AK9: variants seen among roughly 807,000 people sequenced by gnomAD.
AK9 encodes the protein adenylate kinase domain containing 1.
Under a neutral mutation model 239.6 loss-of-function variants are expected in AK9, and 191 were observed. That is an observed-to-expected ratio of 0.80 (90% CI 0.71 to 0.90). The LOEUF is 0.90. Ranked by LOEUF, AK9 falls within the 40% of genes least tolerant of loss-of-function variation. The pLI is 0.00. For synonymous variants in AK9, 689 were observed against 721.0 expected (o/e 0.96, Z 0.71); for missense variants, 1,995 against 2,214.7 (o/e 0.90, Z 1.99).
chr6:109,541,335 CTATT>C (rs1173597085), intron 27 of AK9, among the ~76,000 whole-genome samples: 1 of 152,122 alleles, frequency 6.6e-6, no homozygotes, highest in East Asian at 1.9e-4. Flanking sequence ...TGTGCATTCT[CTATT>C]ATATTATAGT....
chr6:109,582,957 C>G (rs1168564262), intron 19 of AK9, among the ~76,000 whole-genome samples: 3 of 152,162 alleles, frequency 2.0e-5, no homozygotes, highest in Admixed American at 2.0e-4. Context: ...ATGATTGACT[C>G]ACTAAAGGCT....
At chr6:109,597,890 G>A (rs905942352) in intron 17 of AK9, among the ~76,000 whole-genome samples, 4 of 152,036 alleles carry the variant, frequency 2.6e-5, no homozygotes, top group Non-Finnish European at 5.9e-5. Flanking sequence ...GAGAAACCCA[G>A]TGCCTAAACA....
chr6:109,560,616 C>G (rs1431509919), intron 24 of AK9, among the ~76,000 whole-genome samples: 1 of 152,146 alleles, frequency 6.6e-6, no homozygotes, highest in Non-Finnish European at 1.5e-5. Context: ...ATAAGCCCCA[C>G]TTGGTCATGG....
chr6:109,620,739 G>A (rs929278308), intron 12 of AK9, among the ~76,000 whole-genome samples: 2 of 151,358 alleles, frequency 1.3e-5, no homozygotes, highest in East Asian at 3.9e-4. Flanking sequence ...ACTAAAATAT[G>A]AATACATATG....
At chr6:109,508,105 T>C (rs987466212) in intron 33 of AK9, among the ~76,000 whole-genome samples, 3 of 152,362 alleles carry the variant, frequency 2.0e-5, no homozygotes, top group Admixed American at 1.3e-4. Context: ...TAAACTCCTT[T>C]GAATTTAATT....
intron 12 of AK9, among the ~76,000 whole-genome samples, chr6:109,628,725 T>C (rs1795808426): frequency 6.6e-6 from 1 of 152,206 alleles, no homozygotes; most frequent in Non-Finnish European, 1.5e-5. Context: ...TAGGCAGCTT[T>C]CATAAGTTTT....
intron 23 of AK9, 116 bp downstream of exon 23, chr6:109,563,964 C>T (rs572331654): frequency 1.7e-6 from 2 of 1,143,956 alleles, no homozygotes; most frequent in Non-Finnish European, 2.4e-6. Context: ...TATACATCAG[C>T]CTTGGATATA....
chr6:109,564,060 G>A lies in AK9; in HGVS notation c.2635+20C>T. On this transcript the variant is annotated intron_variant, in intron 23 of 40. Coordinates refer to ENST00000424296, the MANE Select transcript of AK9 (RefSeq NM_001145128.3). ...CTATCACCTGCTGTTGATAATAAAT[G>A]TTATGATTAAAGCCCTTACTTTCCA... The A allele has an allele frequency of 6.5e-7, 1 of 1,537,516 alleles. No individual in the cohort carries two copies. The highest frequency in any genetic ancestry group is 8.8e-7 in the Non-Finnish European group (1 of 1,139,690).
intron 12 of AK9, among the ~76,000 whole-genome samples, chr6:109,624,342 T>C (rs1795261967): frequency 6.6e-6 from 1 of 152,196 alleles, no homozygotes; most frequent in South Asian, 2.1e-4. Context: ...CTGGATCCCA[T>C]GTCACCATCT....
chr6:109,514,207 G>A lies in AK9; in HGVS notation c.4279+17C>T. On this transcript the variant is annotated intron_variant, in intron 32 of 40. Transcript: ENST00000424296. ...TTCTTTTATGCTTGAGGAAAACAAA[G>A]GCAAACATACGCTCACCTGTAGTTT... 1 of 1,542,486 alleles carries A rather than the reference G, an allele frequency of 6.5e-7. No individual in the cohort carries two copies. The highest frequency in any genetic ancestry group is 8.8e-7 in the Non-Finnish European group (1 of 1,142,494).
At chr6:109,513,272 TTGATATTAGGGTCA>T (rs1778935460) in intron 32 of AK9, among the ~76,000 whole-genome samples, 1 of 152,212 alleles carries the variant, frequency 6.6e-6, no homozygotes, top group South Asian at 2.1e-4. Flanking sequence ...TGGTTAGGTT[TTGATATTAGGGTCA>T]TGTTAATTAA....
At chr6:109,688,696 T>C (rs1257561237) in intron 1 of AK9, among the ~76,000 whole-genome samples, 1 of 152,116 alleles carries the variant, frequency 6.6e-6, no homozygotes, top group Non-Finnish European at 1.5e-5. Flanking sequence ...AGGTCCTGGG[T>C]CTGGTGGAGG....
At chr6:109,689,833 AT>A (rs1774066128) in intron 1 of AK9, among the ~76,000 whole-genome samples, 1 of 152,260 alleles carries the variant, frequency 6.6e-6, no homozygotes, top group African/African-American at 2.4e-5. Flanking sequence ...GCTATCCTAG[AT>A]AAAAACACTG....
At chr6:109,504,032 G>GT (rs1777859323) in intron 35 of AK9, among the ~76,000 whole-genome samples, 1 of 152,182 alleles carries the variant, frequency 6.6e-6, no homozygotes. Flanking sequence ...GTCCACAGGT[G>GT]TATCTCCTGA....
intron 10 of AK9, among the ~76,000 whole-genome samples, chr6:109,638,395 C>T (rs957398904): frequency 6.6e-5 from 10 of 152,188 alleles, no homozygotes; most frequent in Non-Finnish European, 8.8e-5. Context: ...TGTTATGATA[C>T]AGGATAACAA....
At chr6:109,620,979 T>C (rs923656716) in intron 12 of AK9, among the ~76,000 whole-genome samples, 3 of 152,016 alleles carry the variant, frequency 2.0e-5, no homozygotes, top group Non-Finnish European at 4.4e-5. Context: ...GAACTGTCAA[T>C]TCTGTTTTAT....
chr6:109,689,404 C>T (rs1032152506), intron 1 of AK9, among the ~76,000 whole-genome samples: 2 of 152,144 alleles, frequency 1.3e-5, no homozygotes, highest in Admixed American at 6.6e-5. Flanking sequence ...TTAGCATGTG[C>T]GACTTTTTGC....
intron 27 of AK9, among the ~76,000 whole-genome samples, chr6:109,541,502 C>T (rs978196416): frequency 2.0e-5 from 3 of 152,162 alleles, no homozygotes. Context: ...CCTCTGTCTC[C>T]CGGGTTCAAG....
At chr6:109,534,091 T>C (rs1327414725) in intron 27 of AK9, among the ~76,000 whole-genome samples, 1 of 152,042 alleles carries the variant, frequency 6.6e-6, no homozygotes, top group Admixed American at 6.6e-5. Context: ...GTATGTATCC[T>C]GGTTCCTATG....
Sources: allele counts gnomAD v4.1 joint callset (sites outside exome capture counted in the v4.1 genomes callset), GRCh38; gene constraint gnomAD v4.1.1; transcripts MANE v1.5; gene names NCBI Gene and HGNC (gene_info 2026-07-23, HGNC 2026-07-21).